RARRES1: variants seen among roughly 807,000 people sequenced by gnomAD.
RARRES1 encodes retinoic acid receptor responder 1.
A neutral mutation model predicts 30.6 loss-of-function variants in RARRES1; 34 were observed. That is an observed-to-expected ratio of 1.11 (90% confidence interval 0.84 to 1.48). The LOEUF (loss-of-function observed/expected upper bound fraction) is 1.48, where lower values mean the gene tolerates loss of function less well. Ranked by LOEUF, RARRES1 falls within the 40% of genes most tolerant of loss-of-function variation. The pLI is 0.00. For missense variants in RARRES1, 373 were observed against 386.5 expected (o/e 0.97, Z 0.29); for synonymous variants, 153 against 155.5 (o/e 0.98, Z 0.12).
chr3:158,711,754 C>T (rs1727144668), intron 2 of RARRES1, among the ~76,000 whole-genome samples: 1 of 152,088 alleles, frequency 6.6e-6, no homozygotes, highest in Admixed American at 6.5e-5. Context: ...ACCACCATGC[C>T]TGGCTAATTG....
intron 3 of RARRES1, among the ~76,000 whole-genome samples, chr3:158,705,218 C>T (rs1035946864): frequency 1.3e-5 from 2 of 152,158 alleles, no homozygotes; most frequent in African/African-American, 4.8e-5. Flanking sequence ...CCTATGTCCA[C>T]AAAGTATCTT....
intron 4 of RARRES1, among the ~76,000 whole-genome samples, chr3:158,700,069 C>T (rs765898789): frequency 9.2e-5 from 14 of 152,044 alleles, no homozygotes; most frequent in Non-Finnish European, 2.1e-4. Flanking sequence ...CATGGTGGCT[C>T]ATGCCTGTAA....
In RARRES1 at chr3:158,697,561, T is replaced by A. The variant is rs1726585662; in HGVS notation, c.*117A>T. 1 of 1,139,046 alleles carries A rather than the reference T, an allele frequency of 8.8e-7. No individual in the cohort carries two copies. Among genetic ancestry groups the A allele is most frequent in the Admixed American group, 2.6e-5 (1 of 38,052 alleles). 70.6% of individuals were successfully genotyped at this position (1,139,046 alleles called of 1,614,324 possible). ...CTTTGCATTTCTGAGTTTTTACTTGTAATCATAGGTTTTCCCAAATTATTA... is the reference window on the plus strand; with the variant it reads ...CTTTGCATTTCTGAGTTTTTACTTGAAATCATAGGTTTTCCCAAATTATTA... On this transcript the variant is annotated 3_prime_UTR_variant, in exon 6 of 6. Coordinates refer to ENST00000237696, the MANE Select transcript of RARRES1 (RefSeq NM_206963.2).
chr3:158,716,373 T>G (rs577965940), intron 1 of RARRES1, among the ~76,000 whole-genome samples: 1 of 152,180 alleles, frequency 6.6e-6, no homozygotes, highest in Non-Finnish European at 1.5e-5. Flanking sequence ...CGGGCATGGT[T>G]ATATGCTATG....
intron 1 of RARRES1, among the ~76,000 whole-genome samples, chr3:158,718,504 T>C (rs1028522997): frequency 6.6e-6 from 1 of 152,236 alleles, no homozygotes; most frequent in Non-Finnish European, 1.5e-5. Context: ...ACTAGTAGAC[T>C]GGCAATCAAG....
chr3:158,732,237 T>TGCAGGAGCCTGCGCGGGACC lies in RARRES1; in HGVS notation c.159_178dup (p.Gln60ArgfsTer91). ...GTGAAGCGCCGCGCGCGCCGCCTGC[T>TGCAGGAGCCTGCGCGGGACC]GCAGGAGCCTGCGCGGGACCCCAGC... On this transcript the variant is annotated frameshift_variant, in exon 1 of 6. Transcript: ENST00000237696. LOFTEE classifies it high-confidence loss of function. The TGCAGGAGCCTGCGCGGGACC allele has an allele frequency of 5.0e-6, 7 of 1,390,466 alleles. No homozygotes were observed. Among genetic ancestry groups the TGCAGGAGCCTGCGCGGGACC allele is most frequent in the Non-Finnish European group, 6.5e-6 (7 of 1,081,038 alleles). The allele number at this position is 1,390,466 out of a possible 1,614,324, so 86.1% of individuals were successfully genotyped here.
intron 4 of RARRES1, among the ~76,000 whole-genome samples, chr3:158,702,148 C>T (rs1229992086): frequency 6.6e-6 from 1 of 152,166 alleles, no homozygotes; most frequent in African/African-American, 2.4e-5. Flanking sequence ...AGCGATTCTC[C>T]TACCTCAGCC....
chr3:158,705,466 G>A (rs1354783076), intron 3 of RARRES1, among the ~76,000 whole-genome samples: 1 of 151,918 alleles, frequency 6.6e-6, no homozygotes, highest in Non-Finnish European at 1.5e-5. Context: ...TAAGAGACAG[G>A]GTCTTGCTTT....
chr3:158,703,760 T>C (rs1220011192), intron 4 of RARRES1, among the ~76,000 whole-genome samples: 1 of 152,194 alleles, frequency 6.6e-6, no homozygotes, highest in East Asian at 1.9e-4. Context: ...TCTAACTGCT[T>C]AAGTCAGAAG....
rs748396663 is a variant in RARRES1, at chr3:158,697,900, T to C, written c.735+8A>G. The stretch of plus-strand genomic sequence containing the variant: ...AAAAACAATTCTACATACAATGTTA[T>C]GTTTTACCTGTGTTGATAATTCATG... On this transcript the variant is annotated splice_region_variant and intron_variant, in intron 5 of 5. Transcript: ENST00000237696. The C allele has an allele frequency of 6.4e-7, 1 of 1,557,566 alleles. No homozygotes were observed. Among genetic ancestry groups the C allele is most frequent in the African/African-American group, 1.4e-5 (1 of 73,632 alleles).
rs1299495383 is a variant in RARRES1 at position 158,697,734 on chromosome 3, C to A, written c.829G>T (p.Ala277Ser). Residue 277 changes from alanine to serine, a missense_variant, in exon 6 of 6, where the codon GCC becomes TCC. Physicochemically the swap from Ala to Ser is moderately conservative, Grantham distance 99 (BLOSUM62 1). Transcript: ENST00000237696. ...GCTGATCCTTCTTCAGTTCCGGAGGCTTCTTCTGGTGTCTGTAGCTCTTGA... is the reference window on the plus strand; with the variant it reads ...GCTGATCCTTCTTCAGTTCCGGAGGATTCTTCTGGTGTCTGTAGCTCTTGA... ...HCQELQTPEE[A>S]SGTEEGSAVV... 4 of 1,613,176 alleles carry A rather than the reference C, an allele frequency of 2.5e-6. No homozygotes were observed. Among genetic ancestry groups the A allele is most frequent in the Non-Finnish European group, 3.4e-6 (4 of 1,179,242 alleles).
At chr3:158,703,912 C>G (rs560908645) in intron 4 of RARRES1, among the ~76,000 whole-genome samples, 6 of 152,120 alleles carry the variant, frequency 3.9e-5, no homozygotes, top group African/African-American at 1.4e-4. Flanking sequence ...ACTCTTCTGT[C>G]CAGAAGATTA....
rs184972718 is a variant in RARRES1 at position 158,701,520 on chromosome 3, C to T, written c.672+3271G>A. Among the ~76,000 whole-genome samples, 53 of 152,228 alleles carry T rather than the reference C, an allele frequency of 3.5e-4. No individual in the cohort carries two copies. The East Asian group carries it at 0.01, about 29-fold the overall frequency. ...TTTTGGAAAAATTATAATCTTCATA[C>T]TTTTTTTGAGCTACCTTGGGCCAAG... On this transcript the variant is annotated intron_variant, in intron 4 of 5. Coordinates refer to ENST00000237696, the MANE Select transcript of RARRES1 (RefSeq NM_206963.2).
chr3:158,706,366 C>T (rs550401165), intron 3 of RARRES1, among the ~76,000 whole-genome samples: 17 of 152,280 alleles, frequency 1.1e-4, no homozygotes, highest in African/African-American at 2.4e-4. Flanking sequence ...ATTTTGGCTG[C>T]GCCTTGAATT....
At chr3:158,728,525 T>TTTTTTG (rs993419778) in intron 1 of RARRES1, among the ~76,000 whole-genome samples, 9 of 148,430 alleles carry the variant, frequency 6.1e-5, no homozygotes, top group African/African-American at 2.0e-4. Context: ...TCTTTTTTTT[T>TTTTTTG]TTTTTTTTTG....
At chr3:158,728,929 A>G (rs1727784147) in intron 1 of RARRES1, among the ~76,000 whole-genome samples, 1 of 152,178 alleles carries the variant, frequency 6.6e-6, no homozygotes, top group Non-Finnish European at 1.5e-5. Context: ...CTCTTCACTC[A>G]GGCAGTGGAG....
intron 1 of RARRES1, among the ~76,000 whole-genome samples, chr3:158,716,313 T>A (rs1341914692): frequency 2.6e-5 from 4 of 152,228 alleles, no homozygotes; most frequent in Non-Finnish European, 2.9e-5. Context: ...AGGGAAGATG[T>A]GTAGAATAAG....
At chr3:158,713,387 C>T (rs1727209196) in intron 2 of RARRES1, among the ~76,000 whole-genome samples, 1 of 152,086 alleles carries the variant, frequency 6.6e-6, no homozygotes, top group Middle Eastern at 3.2e-3. Context: ...TACGTTAGCT[C>T]ATGGGGTTGG....
chr3:158,728,519 T>TC (rs1286015542), intron 1 of RARRES1, among the ~76,000 whole-genome samples: 6 of 107,890 alleles, frequency 5.6e-5, no homozygotes, highest in African/African-American at 1.8e-4. Context: ...TTTCTTTCTT[T>TC]TTTTTTTTTT....
Sources: gnomAD v4.1 joint callset for allele counts (sites outside exome capture counted in the v4.1 genomes callset) on GRCh38, gnomAD v4.1.1 for gene constraint, MANE v1.5 for transcripts, NCBI Gene and HGNC (gene_info 2026-07-23, HGNC 2026-07-21) for gene names.